ICE1: variants seen among roughly 807,000 people sequenced by gnomAD.
ICE1 encodes little elongation complex subunit 1.
ICE1 carries 64 observed loss-of-function variants against 192.7 expected under a neutral mutation model. The ratio of observed to expected loss-of-function variants is 0.33; its 90% CI spans 0.27 to 0.41. The LOEUF is 0.41. Ranked by LOEUF, ICE1 falls within the 10% of genes least tolerant of loss-of-function variation. The pLI, the probability that ICE1 is intolerant of heterozygous loss-of-function variation, is 1.00. For missense variants in ICE1, 2,708 were observed against 2,696.0 expected (o/e 1.00, Z -0.10); for synonymous variants, 1,010 against 984.5 (o/e 1.03, Z -0.49).
chr5:5,427,797 A>G (rs1208920804), intron 1 of ICE1, among the ~76,000 whole-genome samples: 1 of 152,210 alleles, frequency 6.6e-6, no homozygotes, highest in Non-Finnish European at 1.5e-5. Context: ...TTCAGAATAC[A>G]ATGATGAACA....
At chr5:5,459,323 T>G (rs902364364) in intron 12 of ICE1, among the ~76,000 whole-genome samples, 1 of 152,130 alleles carries the variant, frequency 6.6e-6, no homozygotes, top group Non-Finnish European at 1.5e-5. Context: ...GAGTCAAAGA[T>G]GTTGAAAAAT....
intron 18 of ICE1, among the ~76,000 whole-genome samples, chr5:5,487,752 T>C (rs1739671996): frequency 6.6e-6 from 1 of 152,296 alleles, no homozygotes; most frequent in African/African-American, 2.4e-5. Flanking sequence ...CTACAGTGGG[T>C]GTAACCTAGA....
At position 5,461,547 on chromosome 5, in the gene ICE1, T is replaced by C; in HGVS notation, c.2213T>C (p.Leu738Pro). The part of the protein sequence containing the change: ...VVKGLTKIHS[L>P]PRSVFMKATK... ...AAAGGCTTGACCAAAATACATTCACTTCCTCGGTCAGTATTTATGAAAGCT... is the reference window on the plus strand; with the variant it reads ...AAAGGCTTGACCAAAATACATTCACCTCCTCGGTCAGTATTTATGAAAGCT... Residue 738 changes from leucine (L) to proline (P), a missense_variant, in exon 13 of 19, where the codon CTT (leucine) becomes CCT (proline). This residue lies in a region of ICE1 where 2,366 missense variants were observed against 2,276.6 expected (regional missense o/e 1.04). Coordinates refer to ENST00000296564, the MANE Select transcript of ICE1 (RefSeq NM_015325.3). 1 of 1,613,258 alleles carries C rather than the reference T, an allele frequency of 6.2e-7. No homozygotes were observed. Among genetic ancestry groups the C allele is most frequent in the Non-Finnish European group, 8.5e-7 (1 of 1,179,508 alleles).
intron 5 of ICE1, 62 bp from the exon 6 acceptor site, chr5:5,443,106 G>C (rs1319453609): frequency 1.1e-6 from 1 of 944,898 alleles, no homozygotes; most frequent in African/African-American, 1.7e-5. Context: ...GGCAAAGCAA[G>C]TTATGACCAA....
At position 5,466,391 on chromosome 5, in the gene ICE1, T is replaced by C. The variant is rs1292237684; in HGVS notation, c.5950T>C (p.Ser1984Pro). 5.0e-6 allele frequency: 8 copies of C among 1,613,370 alleles called. No individual in the cohort carries two copies. The highest frequency in any genetic ancestry group is 5.9e-6 in the Non-Finnish European group (7 of 1,179,694). ...CTCAGAACTAAAAATTCAGAAGATATCTATGGACCACAATTACATTCACGC... is the reference window on the plus strand; with the variant it reads ...CTCAGAACTAAAAATTCAGAAGATACCTATGGACCACAATTACATTCACGC... ...ILSELKIQKI[S>P]MDHNYIHALC... Residue 1984 changes from serine (S) to proline (P), a missense_variant, in exon 14 of 19, where the codon TCT becomes CCT. Physicochemically the swap from Ser to Pro is moderately conservative, Grantham distance 74. Around this residue, in one of 2 missense-constraint regions of ICE1, gnomAD observed 342 missense variants for 419.3 expected, o/e 0.82. Coordinates refer to ENST00000296564, the MANE Select transcript of ICE1 (RefSeq NM_015325.3).
At chr5:5,474,509 T>G (rs1180643709) in intron 16 of ICE1, among the ~76,000 whole-genome samples, 3 of 152,184 alleles carry the variant, frequency 2.0e-5, no homozygotes, top group African/African-American at 4.8e-5. Flanking sequence ...TATTCAAAAT[T>G]ATAAATTAGC....
At chr5:5,454,527 T>A in intron 10 of ICE1, 25 bp from the exon 11 acceptor site, 11 of 1,583,432 alleles carry the variant, frequency 6.9e-6, no homozygotes, top group Non-Finnish European at 9.5e-6. Context: ...ATGACGTGAC[T>A]TTAATGCTTT....
intron 10 of ICE1, among the ~76,000 whole-genome samples, chr5:5,449,155 T>G (rs1738338939): frequency 6.6e-6 from 1 of 152,190 alleles, no homozygotes; most frequent in Admixed American, 6.5e-5. Flanking sequence ...TATTACTATC[T>G]CAAGTAAAAT....
Position 5,473,767 on chromosome 5 carries a change from TTAAA to T in ICE1, c.6413+24_6413+27del, listed in dbSNP as rs1404124955. 2.6e-6 allele frequency: 4 copies of T among 1,511,986 alleles called. No homozygotes were observed. In the African/African-American group the frequency reaches 4.3e-5, roughly 16 times the overall value. The allele number at this position is 1,511,986 out of a possible 1,614,324, so 93.7% of individuals were successfully genotyped here. ...TCATAAGGTTAGTTATTTTACTAAT[TTAAA>T]TAAAGATATGTTATTGTAAGGTTGA... On this transcript the variant is annotated intron_variant, in intron 16 of 18. Coordinates refer to ENST00000296564, the MANE Select transcript of ICE1 (RefSeq NM_015325.3).
In ICE1 at chr5:5,468,871, G is replaced by A. The variant is rs1221177064; in HGVS notation, c.6105G>A (p.Met2035Ile). 1 of 1,596,882 alleles carries A rather than the reference G, an allele frequency of 6.3e-7. No homozygotes were observed. The highest frequency in any genetic ancestry group is 1.3e-5 in the African/African-American group (1 of 74,160). ...SEKLTLFIAN[M>I]WHDIFLSQSV... Reference sequence around the variant, plus strand: ...AATTAACTTTGTTTATTGCAAACATGTGGCATGATATATTTCTCTCTCAAT... The same window carrying A: ...AATTAACTTTGTTTATTGCAAACATATGGCATGATATATTTCTCTCTCAAT... Residue 2035 changes from methionine to isoleucine, a missense_variant, in exon 15 of 19, where the codon ATG becomes ATA. This residue lies in a region of ICE1 where 342 missense variants were observed against 419.3 expected (regional missense o/e 0.82). Transcript: ENST00000296564.
chr5:5,466,975 G>T (rs558848247), intron 14 of ICE1, among the ~76,000 whole-genome samples: 10 of 152,188 alleles, frequency 6.6e-5, no homozygotes, highest in African/African-American at 2.2e-4. Context: ...CCTACTAGTG[G>T]ATCAGACTGG....
Position 5,444,284 on chromosome 5 carries a change from AT to A in ICE1, c.387-3del. On this transcript the variant is annotated splice_region_variant and splice_polypyrimidine_tract_variant and intron_variant, in intron 6 of 18. Coordinates refer to ENST00000296564, the MANE Select transcript of ICE1 (RefSeq NM_015325.3). ...GCCATTTAACTTACACAATTTCGTTATTAGGAAGAAGAAACTAGAAGCTAAG... is the reference window on the plus strand; with the variant it reads ...GCCATTTAACTTACACAATTTCGTTATAGGAAGAAGAAACTAGAAGCTAAG... 1 of 1,560,492 alleles carries A rather than the reference AT, an allele frequency of 6.4e-7. No homozygotes were observed. The highest frequency in any genetic ancestry group is 1.9e-5 in the Admixed American group (1 of 52,870).
At chr5:5,474,974 G>C (rs748446371) in intron 16 of ICE1, among the ~76,000 whole-genome samples, 1 of 152,160 alleles carries the variant, frequency 6.6e-6, no homozygotes, top group African/African-American at 2.4e-5. Flanking sequence ...GTATTGACAT[G>C]GAAAAGTATT....
intron 18 of ICE1, among the ~76,000 whole-genome samples, chr5:5,487,150 G>A (rs1371172045): frequency 3.3e-5 from 5 of 152,144 alleles, no homozygotes; most frequent in African/African-American, 7.2e-5. Context: ...GGCTCTCTGC[G>A]AGGCCTCCTG....
intron 17 of ICE1, among the ~76,000 whole-genome samples, 180 bp downstream of exon 17, chr5:5,476,259 A>C (rs1739308991): frequency 6.6e-6 from 1 of 152,080 alleles, no homozygotes; most frequent in South Asian, 2.1e-4. Flanking sequence ...TTAGTGTTTT[A>C]TTCATCTTTT....
At chr5:5,467,523 A>T (rs537266599) in intron 14 of ICE1, among the ~76,000 whole-genome samples, 1 of 152,074 alleles carries the variant, frequency 6.6e-6, no homozygotes, top group African/African-American at 2.4e-5. Context: ...ATACCTTCCT[A>T]GTCATCCTGG....
intron 10 of ICE1, among the ~76,000 whole-genome samples, chr5:5,454,019 A>C (rs1230655025): frequency 4.6e-5 from 7 of 152,134 alleles, no homozygotes. Flanking sequence ...GTCTCCCCTC[A>C]AGTCCATTGA....
chr5:5,430,196 C>T (rs991203863), intron 1 of ICE1, among the ~76,000 whole-genome samples: 3 of 152,132 alleles, frequency 2.0e-5, no homozygotes, highest in Non-Finnish European at 4.4e-5. Context: ...GGAGCCTGAT[C>T]GCCCTTCACC....
Position 5,463,277 on chromosome 5 carries a change from G to A in ICE1, c.3943G>A (p.Ala1315Thr). 6.2e-7 allele frequency: 1 copy of A among 1,613,510 alleles called. No individual in the cohort carries two copies. Among genetic ancestry groups the A allele is most frequent in the South Asian group, 1.1e-5 (1 of 90,920 alleles). Residue 1315 changes from alanine (A) to threonine (T), a missense_variant, in exon 13 of 19, where the codon GCT becomes ACT. Ala to Thr is a moderately conservative substitution (Grantham distance 58, BLOSUM62 0). Around this residue, in one of 2 missense-constraint regions of ICE1, gnomAD observed 2,366 missense variants for 2,276.6 expected, o/e 1.04. Coordinates refer to ENST00000296564, the MANE Select transcript of ICE1 (RefSeq NM_015325.3). Reference sequence around the variant, plus strand: ...GGAAACGACTGGCTCCTCATCACATGCTTCAGAACCAACCCCACAAGCAGC... The same window carrying A: ...GGAAACGACTGGCTCCTCATCACATACTTCAGAACCAACCCCACAAGCAGC... ...FRETTGSSSH[A>T]SEPTPQAAAL...
Sources: gnomAD v4.1 joint callset for allele counts (sites outside exome capture counted in the v4.1 genomes callset) on GRCh38, gnomAD v4.1.1 for gene constraint, gnomAD v4.1.1 regional missense constraint, MANE v1.5 for transcripts, NCBI Gene and HGNC (gene_info 2026-07-23, HGNC 2026-07-21) for gene names.